Variants in UGT1A7 observed in about 807,000 individuals in gnomAD.
UGT1A7 encodes the protein UDP-glucuronosyltransferase 1A7.
UGT1A7 carries 33 observed loss-of-function variants against 45.6 expected under a neutral mutation model. The observed-to-expected ratio is 0.72, with a 90% confidence interval of 0.55 to 0.97. The LOEUF (loss-of-function observed/expected upper bound fraction) is 0.97, where lower values mean the gene tolerates loss of function less well. Among genes scored for constraint, UGT1A7 ranks in the 50% least tolerant of loss-of-function variants. UGT1A7 has a pLI of 0.00. For synonymous variants in UGT1A7, 274 were observed against 250.6 expected (o/e 1.09, Z -0.88); for missense variants, 684 against 666.2 (o/e 1.03, Z -0.29).
chr2:233,763,825 C>A (rs564952155), intron 1 of UGT1A7, among the ~76,000 whole-genome samples: 1 of 152,266 alleles, frequency 6.6e-6, no homozygotes, highest in South Asian at 2.1e-4. Context: ...GATGTTCCTC[C>A]CCTGCCAGGG....
intron 1 of UGT1A7, chr2:233,761,004 G>A: frequency 6.2e-7 from 1 of 1,614,118 alleles, no homozygotes; most frequent in African/African-American, 1.3e-5. Flanking sequence ...AATTCCTTCA[G>A]AGAGAGGTGA....
At chr2:233,724,335 G>C (rs2077226383) in intron 1 of UGT1A7, among the ~76,000 whole-genome samples, 1 of 147,976 alleles carries the variant, frequency 6.8e-6, no homozygotes, top group African/African-American at 2.5e-5. Flanking sequence ...CCAGGCGGGG[G>C]GCTGACCCCC....
chr2:233,694,976 T>C (rs553347188), intron 1 of UGT1A7, among the ~76,000 whole-genome samples: 122 of 152,352 alleles, frequency 8.0e-4, no homozygotes, highest in African/African-American at 2.9e-3. Flanking sequence ...ATTCCTTCCT[T>C]ATGTTGGGAA....
At chr2:233,727,382 C>T (rs1283832828) in intron 1 of UGT1A7, among the ~76,000 whole-genome samples, 4 of 152,134 alleles carry the variant, frequency 2.6e-5, no homozygotes, top group African/African-American at 7.2e-5. Context: ...TCTGGAGTAC[C>T]ACCGTCTTCC....
At chr2:233,735,244 A>C (rs1308474685) in intron 1 of UGT1A7, among the ~76,000 whole-genome samples, 1 of 152,060 alleles carries the variant, frequency 6.6e-6, no homozygotes, top group African/African-American at 2.4e-5. Context: ...CTTGTTGTTG[A>C]ATTGCTCCCT....
rs1031320895 is a variant in UGT1A7, at chr2:233,747,800, G to A, written c.856-19234G>A. ...CAAATCCTTCCTCCTATATTCCTAA[G>A]TTACTAACGACCAATTCAGACCACA... On this transcript the variant is annotated intron_variant, in intron 1 of 4. Transcript: ENST00000373426. The A allele has an allele frequency of 3.1e-6, 5 of 1,613,386 alleles. No homozygotes were observed. The African/African-American group carries it at 4.0e-5, about 13-fold the overall frequency.
At position 233,729,612 on chromosome 2, in the gene UGT1A7, T is replaced by G. The variant is rs769549634; in HGVS notation, c.856-37422T>G. On this transcript the variant is annotated intron_variant, in intron 1 of 4. Coordinates refer to ENST00000373426, the MANE Select transcript of UGT1A7 (RefSeq NM_019077.3). ...TTAACCTCTGCGCGGCAGTGCTGGC[T>G]AAGTACCTGTCGATTCCTACTGTGT... is the stretch of plus-strand genomic sequence containing the variant. 6 of 1,614,046 alleles carry G rather than the reference T, an allele frequency of 3.7e-6. No individual in the cohort carries two copies. In the South Asian group the frequency reaches 6.6e-5, roughly 18 times the overall value.
chr2:233,731,057 C>A (rs1221719711), intron 1 of UGT1A7, among the ~76,000 whole-genome samples: 3 of 152,120 alleles, frequency 2.0e-5, no homozygotes, highest in Non-Finnish European at 4.4e-5. Context: ...TGTGTATGAA[C>A]TTCCATGATT....
chr2:233,739,660 T>G (rs1471154099), intron 1 of UGT1A7, among the ~76,000 whole-genome samples: 1 of 152,216 alleles, frequency 6.6e-6, no homozygotes, highest in Non-Finnish European at 1.5e-5. Flanking sequence ...TGTACCCCCA[T>G]TGTGTCTTGG....
intron 1 of UGT1A7, among the ~76,000 whole-genome samples, chr2:233,733,592 A>T (rs1213678980): frequency 6.6e-6 from 1 of 152,156 alleles, no homozygotes; most frequent in East Asian, 1.9e-4. Flanking sequence ...GGTTCTGTTT[A>T]TGTGATGGAT....
chr2:233,703,957 C>T (rs1010447898), intron 1 of UGT1A7, among the ~76,000 whole-genome samples: 1 of 151,710 alleles, frequency 6.6e-6, no homozygotes, highest in African/African-American at 2.4e-5. Flanking sequence ...GTGGTGTGAT[C>T]TTGGCCCACT....
intron 1 of UGT1A7, among the ~76,000 whole-genome samples, chr2:233,720,305 G>A (rs1333507011): frequency 1.3e-5 from 2 of 152,288 alleles, no homozygotes; most frequent in African/African-American, 2.4e-5. Context: ...TGGGGGTCTG[G>A]TGTATGATGT....
chr2:233,720,446 C>A (rs2076860422), intron 1 of UGT1A7, among the ~76,000 whole-genome samples: 1 of 152,024 alleles, frequency 6.6e-6, no homozygotes, highest in African/African-American at 2.4e-5. Context: ...TCTATAAGCC[C>A]AGTGAAGCTG....
At chr2:233,698,234 T>A (rs2125574920) in intron 1 of UGT1A7, among the ~76,000 whole-genome samples, 1 of 152,312 alleles carries the variant, frequency 6.6e-6, no homozygotes, top group South Asian at 2.1e-4. Context: ...ATTAAAGTGA[T>A]CAAAATAGAA....
rs193257830 is a variant in UGT1A7, at chr2:233,736,992, G to T, written c.856-30042G>T. Among the ~76,000 whole-genome samples, 107 of 152,338 alleles carry T rather than the reference G, an allele frequency of 7.0e-4. 1 individual carries two copies. Among genetic ancestry groups the T allele is most frequent in the Non-Finnish European group, 1.1e-3 (75 of 68,030 alleles). Reference sequence around the variant, plus strand: ...TGTTTCCCAGTCAAGATACACAGAGGTCAGGGACCCGCTTGAGGAGGCAGT... The same window carrying T: ...TGTTTCCCAGTCAAGATACACAGAGTTCAGGGACCCGCTTGAGGAGGCAGT... On this transcript the variant is annotated intron_variant, in intron 1 of 4. Transcript: ENST00000373426.
Position 233,709,056 on chromosome 2 carries a change from CTAGT to C in UGT1A7, c.855+26267_855+26270del, listed in dbSNP as rs375017824. On this transcript the variant is annotated intron_variant, in intron 1 of 4. Transcript: ENST00000373426. ...AGCCTGAGTTCTTTTCCCAGGATTC[CTAGT>C]TAAAGTTCTTCTGCCTCATTGGCTC... Among the ~76,000 whole-genome samples, 333 of 152,198 alleles carry C rather than the reference CTAGT, an allele frequency of 2.2e-3. 1 individual carries two copies. Among genetic ancestry groups the C allele is most frequent in the African/African-American group, 7.5e-3 (310 of 41,542 alleles).
intron 1 of UGT1A7, among the ~76,000 whole-genome samples, chr2:233,759,764 A>G (rs1348961231): frequency 6.6e-6 from 1 of 152,112 alleles, no homozygotes; most frequent in Non-Finnish European, 1.5e-5. Context: ...GACTCAATAA[A>G]TATTGTTGGA....
At chr2:233,694,906 C>T (rs536764426) in intron 1 of UGT1A7, among the ~76,000 whole-genome samples, 2 of 152,312 alleles carry the variant, frequency 1.3e-5, no homozygotes, top group South Asian at 2.1e-4. Context: ...TTTTGATACA[C>T]GTATACAATG....
chr2:233,744,202 G>A (rs982618462), intron 1 of UGT1A7, among the ~76,000 whole-genome samples: 3 of 151,822 alleles, frequency 2.0e-5, no homozygotes, highest in Non-Finnish European at 4.4e-5. Flanking sequence ...AAAAAGGATG[G>A]GAAAAAGAGG....
Sources: allele counts gnomAD v4.1 joint callset (sites outside exome capture counted in the v4.1 genomes callset), GRCh38; gene constraint gnomAD v4.1.1; transcripts MANE v1.5; gene names NCBI Gene and HGNC (gene_info 2026-07-23, HGNC 2026-07-21).